Variants in ECE1 observed in about 807,000 individuals in gnomAD.
ECE1 encodes the protein endothelin converting enzyme 1.
A neutral mutation model predicts 98.6 loss-of-function variants in ECE1; 35 were observed. That is an observed-to-expected ratio of 0.35 (90% CI 0.27 to 0.47). The LOEUF is 0.47. Ranked by LOEUF, ECE1 falls within the 20% of genes least tolerant of loss-of-function variation. The pLI is 1.00. For synonymous variants in ECE1, 394 were observed against 407.1 expected, an observed-to-expected ratio of 0.97 and a Z score of 0.39; for missense variants, 814 against 1,025.3, an observed-to-expected ratio of 0.79 and a Z score of 2.81.
intron 2 of ECE1, among the ~76,000 whole-genome samples, chr1:21,288,410 G>A (rs568494400): frequency 1.3e-5 from 2 of 152,360 alleles, no homozygotes; most frequent in Non-Finnish European, 2.9e-5. Context: ...CACTGAAAGA[G>A]ATTAAGCCAC....
At chr1:21,227,351 G>A (rs1169363333) in intron 15 of ECE1, 125 bp from the exon 16 acceptor site, 1 of 984,868 alleles carries the variant, frequency 1.0e-6, no homozygotes, top group Non-Finnish European at 1.6e-6. Flanking sequence ...GCTCTGTGTG[G>A]ATAAGGGTGT....
At chr1:21,237,182 C>A (rs2098189364) in intron 11 of ECE1, among the ~76,000 whole-genome samples, 1 of 152,172 alleles carries the variant, frequency 6.6e-6, no homozygotes, top group Admixed American at 6.5e-5. Flanking sequence ...GAAGACACAG[C>A]CTCTCCCAGC....
At chr1:21,311,580 C>G (rs1004234767) in intron 1 of ECE1, among the ~76,000 whole-genome samples, 2 of 148,488 alleles carry the variant, frequency 1.3e-5, no homozygotes, top group Admixed American at 6.7e-5. Context: ...TTTCGGAGGT[C>G]GAGGTGGGAG....
At chr1:21,274,424 G>A (rs1404920378) in intron 3 of ECE1, among the ~76,000 whole-genome samples, 1 of 152,192 alleles carries the variant, frequency 6.6e-6, no homozygotes, top group Non-Finnish European at 1.5e-5. Flanking sequence ...TGCCAGTGGG[G>A]CTTTGGGCAA....
At chr1:21,313,427 T>A (rs1342604136) in intron 1 of ECE1, among the ~76,000 whole-genome samples, 1 of 151,842 alleles carries the variant, frequency 6.6e-6, no homozygotes, top group South Asian at 2.1e-4. Context: ...CAGCTGACAG[T>A]GGGGGAATGA....
At chr1:21,314,487 G>A (rs1638792772) in intron 1 of ECE1, among the ~76,000 whole-genome samples, 1 of 152,226 alleles carries the variant, frequency 6.6e-6, no homozygotes, top group African/African-American at 2.4e-5. Context: ...GGCAGGGATC[G>A]GCCCCAGCCC....
At chr1:21,281,601 T>C (rs1367779479) in intron 2 of ECE1, among the ~76,000 whole-genome samples, 2 of 152,214 alleles carry the variant, frequency 1.3e-5, no homozygotes, top group African/African-American at 4.8e-5. Context: ...CTGCCCCTAA[T>C]TTGTTTCATC....
At chr1:21,254,327 T>A (rs2098217143) in intron 8 of ECE1, among the ~76,000 whole-genome samples, 1 of 152,196 alleles carries the variant, frequency 6.6e-6, no homozygotes, top group East Asian at 1.9e-4. Context: ...TGGTGGCTCA[T>A]GCTTATAATC....
At chr1:21,317,235 T>C (rs1322491490) in intron 1 of ECE1, among the ~76,000 whole-genome samples, 1 of 152,198 alleles carries the variant, frequency 6.6e-6, no homozygotes, top group Non-Finnish European at 1.5e-5. Context: ...GCCCTGTGCT[T>C]TGCTGCCATG....
intron 10 of ECE1, among the ~76,000 whole-genome samples, chr1:21,241,497 A>G (rs1355420927): frequency 7.0e-6 from 1 of 142,618 alleles, no homozygotes; most frequent in Non-Finnish European, 1.5e-5. Context: ...ATACCGGCTC[A>G]CTGCAACCTC....
In ECE1 at chr1:21,219,672, T is replaced by A. The variant is rs1411117860; in HGVS notation, c.*283A>T. ...TGGTATTTGTGGCGTATCTGGCGCT[T>A]GTCAGTGTGGGGCCCAGGCCTGATG... On this transcript the variant is annotated 3_prime_UTR_variant, in exon 19 of 19. Transcript: ENST00000374893. The surrounding 1 kb of genome is among the most constrained non-coding windows in gnomAD (Gnocchi z 4.5). 9 of 504,582 alleles carry A rather than the reference T, an allele frequency of 1.8e-5. No homozygotes were observed. The highest frequency in any genetic ancestry group is 2.9e-5 in the Non-Finnish European group (8 of 277,468). The allele number at this position is 504,582 out of a possible 1,614,324, so 31.3% of individuals were successfully genotyped here. A position where few individuals can be genotyped will look rare whatever the true frequency, so the allele number is the denominator to read the frequency against.
chr1:21,286,977 T>C (rs746407068), intron 2 of ECE1, among the ~76,000 whole-genome samples: 4 of 151,848 alleles, frequency 2.6e-5, no homozygotes, highest in Admixed American at 6.6e-5. Context: ...AGGTAGAATT[T>C]TGCTCTGGTT....
At chr1:21,269,760 T>C (rs1184805631) in intron 4 of ECE1, among the ~76,000 whole-genome samples, 1 of 152,296 alleles carries the variant, frequency 6.6e-6, no homozygotes, top group East Asian at 1.9e-4. Flanking sequence ...GTACAGATAA[T>C]GAAACTAAGT....
At chr1:21,237,438 C>T (rs1373669495) in intron 11 of ECE1, among the ~76,000 whole-genome samples, 1 of 152,200 alleles carries the variant, frequency 6.6e-6, no homozygotes, top group Non-Finnish European at 1.5e-5. Context: ...AACTCAGACC[C>T]TGCCCAGCTG....
In ECE1 at chr1:21,235,263, G is replaced by T. The variant is rs1045574017; in HGVS notation, c.1566+587C>A. Among the ~76,000 whole-genome samples, 11 of 152,336 alleles carry T rather than the reference G, an allele frequency of 7.2e-5. No individual in the cohort carries two copies. The highest frequency in any genetic ancestry group is 2.6e-4 in the African/African-American group (11 of 41,574). ...CACCTAACTGAGTGATTTGCCAAAA[G>T]TTCTAATAAGCAGGGATGTATCAAC... On this transcript the variant is annotated intron_variant, in intron 13 of 18. Transcript: ENST00000374893. This position sits in a 1 kb window ranked among gnomAD's most constrained non-coding sequence, Gnocchi z 4.2.
chr1:21,222,841 CA>C (rs888811259), intron 17 of ECE1, among the ~76,000 whole-genome samples: 803 of 27,804 alleles, frequency 0.029, 3 homozygotes, highest in African/African-American at 0.11. Flanking sequence ...GACCCTGTCT[CA>C]AAAAAAAAAA....
chr1:21,289,377 G>C (rs1434628456), intron 2 of ECE1, among the ~76,000 whole-genome samples: 5 of 152,154 alleles, frequency 3.3e-5, no homozygotes, highest in African/African-American at 4.8e-5. Flanking sequence ...GGACGGGAGG[G>C]CAGAAAGCAG....
At chr1:21,311,820 A>AT (rs1216925595) in intron 1 of ECE1, among the ~76,000 whole-genome samples, 2 of 151,156 alleles carry the variant, frequency 1.3e-5, no homozygotes, top group African/African-American at 4.9e-5. Flanking sequence ...TCAAAAAAAA[A>AT]TTTTTTTAAA....
intron 1 of ECE1, among the ~76,000 whole-genome samples, chr1:21,331,411 T>A (rs1157104270): frequency 2.0e-5 from 3 of 151,458 alleles, no homozygotes; most frequent in African/African-American, 7.3e-5. Flanking sequence ...TCAAAAAAAT[T>A]AAAAAATTAA....
Sources: allele counts gnomAD v4.1 joint callset (sites outside exome capture counted in the v4.1 genomes callset), GRCh38; gene constraint gnomAD v4.1.1; non-coding constraint Gnocchi (gnomAD v3.1); transcripts MANE v1.5; gene names NCBI Gene and HGNC (gene_info 2026-07-23, HGNC 2026-07-21).